LIPA: variants seen among roughly 807,000 people sequenced by gnomAD.
LIPA encodes lysosomal acid lipase/cholesteryl ester hydrolase.
In LIPA, 26 loss-of-function variants were observed where a neutral mutation model predicts 40.6. That is an observed-to-expected ratio of 0.64 (90% confidence interval 0.47 to 0.89). LIPA has a LOEUF of 0.89. LIPA is among the 40% of genes least tolerant of loss of function. The probability of loss-of-function intolerance (pLI) is 0.00; values close to 1 mark genes in which losing one functional copy is unlikely to be tolerated. For missense variants in LIPA, 455 were observed against 479.6 expected (o/e 0.95, Z 0.48); for synonymous variants, 188 against 168.4 (o/e 1.12, Z -0.90).
chr10:89,383,903 G>A (rs1240636189), intron 2 of LIPA: 1 of 1,614,194 alleles, frequency 6.2e-7, no homozygotes, highest in East Asian at 2.2e-5. Context: ...GCATCAGGGA[G>A]GAATAAGGCA....
intron 1 of LIPA, among the ~76,000 whole-genome samples, chr10:89,303,870 C>T (rs1203190920): frequency 6.6e-6 from 1 of 152,158 alleles, no homozygotes; most frequent in Non-Finnish European, 1.5e-5. Context: ...GCGTGCTGCA[C>T]ATGCTTGGGG....
intron 1 of LIPA, among the ~76,000 whole-genome samples, chr10:89,295,764 G>A (rs569004707): frequency 1.3e-5 from 2 of 152,278 alleles, no homozygotes; most frequent in East Asian, 1.9e-4. Flanking sequence ...TTGTAGCAAC[G>A]AGGTTAGGCA....
intron 1 of LIPA, chr10:89,284,298 A>C (rs1302272716): frequency 6.6e-6 from 1 of 152,228 alleles, no homozygotes; most frequent in African/African-American, 2.4e-5. Context: ...CAGGAGCATG[A>C]GGCTATATTC....
intron 2 of LIPA, among the ~76,000 whole-genome samples, chr10:89,372,873 T>C (rs1430623984): frequency 2.6e-5 from 4 of 152,232 alleles, no homozygotes; most frequent in African/African-American, 9.6e-5. Context: ...TAAAAACAAC[T>C]TGCTTTCCGG....
At chr10:89,400,041 C>T (rs1299716527) in intron 2 of LIPA, among the ~76,000 whole-genome samples, 1 of 152,188 alleles carries the variant, frequency 6.6e-6, no homozygotes, top group Non-Finnish European at 1.5e-5. Context: ...GACACCCACT[C>T]TGTTATATTG....
chr10:89,339,352 G>T (rs765494934), intron 1 of LIPA: 3 of 1,613,594 alleles, frequency 1.9e-6, no homozygotes, highest in Non-Finnish European at 2.5e-6. Flanking sequence ...TGTTGAAGAA[G>T]CCTTGGAAAA....
intron 1 of LIPA, among the ~76,000 whole-genome samples, chr10:89,251,333 G>A (rs1843117011): frequency 6.6e-6 from 1 of 152,220 alleles, no homozygotes; most frequent in Non-Finnish European, 1.5e-5. Flanking sequence ...CCACGCCGTT[G>A]GCTAACAAGA....
intron 1 of LIPA, among the ~76,000 whole-genome samples, chr10:89,329,485 C>T (rs544454195): frequency 3.3e-5 from 5 of 152,106 alleles, no homozygotes; most frequent in Non-Finnish European, 5.9e-5. Flanking sequence ...CTGAACTATG[C>T]TGGACTCAGG....
intron 2 of LIPA, among the ~76,000 whole-genome samples, chr10:89,360,558 A>C (rs1844016272): frequency 1.3e-5 from 2 of 152,318 alleles, no homozygotes; most frequent in Admixed American, 6.5e-5. Flanking sequence ...GATGGTTTAA[A>C]AAGAATTGGA....
chr10:89,294,542 A>G (rs1843397104), intron 1 of LIPA, among the ~76,000 whole-genome samples: 1 of 152,180 alleles, frequency 6.6e-6, no homozygotes, highest in Non-Finnish European at 1.5e-5. Context: ...TGCCCCCATA[A>G]CCCAAATACC....
intron 1 of LIPA, chr10:89,339,662 C>G (rs750463832): frequency 1.4e-5 from 23 of 1,614,212 alleles, no homozygotes; most frequent in Non-Finnish European, 1.9e-5. Flanking sequence ...TCCGATCTCG[C>G]TGAGTTCCTG....
chr10:89,289,371 C>A (rs1056689959), intron 1 of LIPA, among the ~76,000 whole-genome samples: 5 of 152,202 alleles, frequency 3.3e-5, no homozygotes, highest in African/African-American at 1.2e-4. Flanking sequence ...TTCTACTGCT[C>A]CTCAGGGAAT....
At chr10:89,332,353 T>C (rs1843662934) in intron 1 of LIPA, 1 of 686,976 alleles carries the variant, frequency 1.5e-6, no homozygotes, top group Non-Finnish European at 2.2e-6. Context: ...ACAGTGCCTT[T>C]TTACAACTTT....
chr10:89,316,126 CAGCTCCAGTCTAT>C (rs1225659136), intron 1 of LIPA, among the ~76,000 whole-genome samples: 5 of 152,134 alleles, frequency 3.3e-5, no homozygotes, highest in African/African-American at 4.8e-5. Flanking sequence ...CAAATAGGAA[CAGCTCCAGTCTAT>C]AGCTCCCAGC....
At chr10:89,334,396 C>A (rs552847824) in intron 1 of LIPA, among the ~76,000 whole-genome samples, 50 of 150,982 alleles carry the variant, frequency 3.3e-4, no homozygotes, top group South Asian at 1.0e-3. Context: ...CTACTAGATG[C>A]AGATCCAGGT....
intron 2 of LIPA, among the ~76,000 whole-genome samples, chr10:89,392,262 T>A (rs906325483): frequency 2.0e-5 from 3 of 152,244 alleles, no homozygotes; most frequent in Admixed American, 1.3e-4. Context: ...AATAGAGCTA[T>A]CTCCTTCAAT....
intron 1 of LIPA, among the ~76,000 whole-genome samples, chr10:89,300,879 C>T (rs1279777084): frequency 2.0e-5 from 3 of 152,072 alleles, no homozygotes; most frequent in Non-Finnish European, 2.9e-5. Context: ...CCCAGCTACT[C>T]GAGAGGCTGA....
At chr10:89,339,420 T>C in intron 1 of LIPA, 1 of 1,614,170 alleles carries the variant, frequency 6.2e-7, no homozygotes, top group Non-Finnish European at 8.5e-7. Context: ...GAAGAAAAGG[T>C]GACCTAGACA....
upstream of LIPA, among the ~76,000 whole-genome samples, chr10:89,255,750 G>T (rs1390855644): frequency 6.6e-6 from 1 of 152,212 alleles, no homozygotes; most frequent in Admixed American, 6.5e-5. Context: ...CAACTTGAGA[G>T]GGAAATTAGG....
Sources: gnomAD v4.1 joint callset for allele counts (sites outside exome capture counted in the v4.1 genomes callset) on GRCh38, gnomAD v4.1.1 for gene constraint, MANE v1.5 for transcripts, NCBI Gene and HGNC (gene_info 2026-07-23, HGNC 2026-07-21) for gene names.